Variants in SOBP observed in about 807,000 individuals in gnomAD.
The protein encoded by SOBP is sine oculis-binding protein homolog.
Under a neutral mutation model 53.6 loss-of-function variants are expected in SOBP, and 4 were observed. The ratio of observed to expected loss-of-function variants is 0.07; its 90% CI spans 0.04 to 0.17. The LOEUF (loss-of-function observed/expected upper bound fraction) is 0.17. SOBP is among the 10% of genes least tolerant of loss of function. SOBP has a pLI of 1.00. For missense variants in SOBP, 1,088 were observed against 1,204.7 expected, an observed-to-expected ratio of 0.90 and a Z score of 1.43; for synonymous variants, 584 against 522.6, an observed-to-expected ratio of 1.12 and a Z score of -1.60.
At chr6:107,649,679 A>G (rs140649972) in intron 6 of SOBP, among the ~76,000 whole-genome samples, 3,854 of 151,736 alleles carry the variant, frequency 0.025, 71 homozygotes, top group Middle Eastern at 0.054. Flanking sequence ...AAAAAAAAAA[A>G]AAGAAGAAGA....
At chr6:107,495,950 A>G (rs943890732) in intron 1 of SOBP, among the ~76,000 whole-genome samples, 1 of 152,128 alleles carries the variant, frequency 6.6e-6, no homozygotes, top group Non-Finnish European at 1.5e-5. Flanking sequence ...AGATTATTGA[A>G]TATGTTCCTG....
intron 3 of SOBP, among the ~76,000 whole-genome samples, chr6:107,523,868 C>T (rs752722913): frequency 2.0e-5 from 3 of 152,232 alleles, no homozygotes; most frequent in Non-Finnish European, 2.9e-5. Context: ...TAGGGGCAGC[C>T]ATGGGAAGCT....
At chr6:107,649,345 C>T in intron 6 of SOBP, among the ~76,000 whole-genome samples, 1 of 151,438 alleles carries the variant, frequency 6.6e-6, no homozygotes, top group African/African-American at 2.4e-5. Flanking sequence ...ATTAGCCAGG[C>T]TTGGTGGTAC....
intron 6 of SOBP, among the ~76,000 whole-genome samples, chr6:107,645,318 C>T (rs1771506309): frequency 1.3e-5 from 2 of 152,186 alleles, no homozygotes; most frequent in Admixed American, 1.3e-4. Flanking sequence ...TCCCCTTTTG[C>T]TCATTCATAG....
At chr6:107,626,438 AAGATCGGTTTTCTCTT>A (rs1487198037) in intron 5 of SOBP, among the ~76,000 whole-genome samples, 3 of 152,222 alleles carry the variant, frequency 2.0e-5, no homozygotes, top group Non-Finnish European at 4.4e-5. Context: ...TTACAAATAG[AAGATCGGTTTTCTCTT>A]AAGCTTCAGT....
intron 5 of SOBP, among the ~76,000 whole-genome samples, chr6:107,591,082 C>G (rs944042293): frequency 2.0e-5 from 3 of 152,300 alleles, no homozygotes; most frequent in Admixed American, 2.0e-4. Flanking sequence ...ACTTTATACA[C>G]TGTCATCCTG....
intron 3 of SOBP, among the ~76,000 whole-genome samples, chr6:107,508,059 T>G (rs1783048108): frequency 6.6e-6 from 1 of 152,224 alleles, no homozygotes; most frequent in Admixed American, 6.5e-5. Context: ...TGAACAATGA[T>G]AAATACTGAG....
At chr6:107,573,131 T>C (rs1277100919) in intron 4 of SOBP, among the ~76,000 whole-genome samples, 1 of 152,090 alleles carries the variant, frequency 6.6e-6, no homozygotes, top group Non-Finnish European at 1.5e-5. Context: ...ATAGAAGTGG[T>C]CGTTAAGTAC....
At chr6:107,569,029 A>G (rs1784996401) in intron 4 of SOBP, among the ~76,000 whole-genome samples, 2 of 152,220 alleles carry the variant, frequency 1.3e-5, no homozygotes, top group African/African-American at 2.4e-5. Context: ...GTTTTAAAAG[A>G]GTTATTTTAA....
chr6:107,633,376 CTT>C, intron 5 of SOBP, 136 bp from the exon 6 acceptor site: 1 of 1,093,154 alleles, frequency 9.1e-7, no homozygotes, highest in East Asian at 2.4e-5. Flanking sequence ...AGAATTTTAC[CTT>C]TTAGAAGGAA....
rs533611254 is a variant in SOBP, at chr6:107,620,877, G to C, written c.670-12637G>C. Among the ~76,000 whole-genome samples, 101 of 152,312 alleles carry C rather than the reference G, an allele frequency of 6.6e-4. 3 individuals carry two copies. Among genetic ancestry groups the C allele is most frequent in the Non-Finnish European group, 2.4e-4 (16 of 68,026 alleles). On this transcript the variant is annotated intron_variant, in intron 5 of 6. Coordinates refer to ENST00000317357, the MANE Select transcript of SOBP (RefSeq NM_018013.4). ...ATTTCTCCTCTTACCCGGGAGCCAA[G>C]AGTCCAGTTGTATGAAGGGTCAGAT...
rs1259879299 is a variant in SOBP at position 107,506,523 on chromosome 6, A to G, written c.421+96A>G. On this transcript the variant is annotated intron_variant, in intron 3 of 6. Transcript: ENST00000317357. Reference sequence around the variant, plus strand: ...ATTAAATGCTCAAGTTAACTTTGGTAGAGGCTGTTTTAGGGACCTTATAGG... The same window carrying G: ...ATTAAATGCTCAAGTTAACTTTGGTGGAGGCTGTTTTAGGGACCTTATAGG... 18 of 1,424,154 alleles carry G rather than the reference A, an allele frequency of 1.3e-5. No homozygotes were observed. The Admixed American group carries it at 3.0e-4, about 24-fold the overall frequency. The allele number at this position is 1,424,154 out of a possible 1,614,324, so 88.2% of individuals were successfully genotyped here. A position where few individuals can be genotyped will look rare whatever the true frequency, so the allele number is the denominator to read the frequency against.
At chr6:107,548,368 G>A (rs748200977) in intron 4 of SOBP, among the ~76,000 whole-genome samples, 2 of 150,510 alleles carry the variant, frequency 1.3e-5, no homozygotes, top group African/African-American at 2.4e-5. Context: ...TCAGCCTCCC[G>A]AGCAGCTGGG....
At chr6:107,557,423 T>G (rs904938955) in intron 4 of SOBP, among the ~76,000 whole-genome samples, 4 of 152,228 alleles carry the variant, frequency 2.6e-5, no homozygotes, top group African/African-American at 9.6e-5. Context: ...GTATATCAAA[T>G]TGTTCCGAAA....
chr6:107,656,349 G>GAA (rs1772060835), intron 6 of SOBP, among the ~76,000 whole-genome samples: 1 of 37,954 alleles, frequency 2.6e-5, no homozygotes, highest in African/African-American at 5.6e-5. Context: ...GAAAGAGAAA[G>GAA]AAAGAAAGAA....
chr6:107,523,744 C>G (rs7743906), intron 3 of SOBP, among the ~76,000 whole-genome samples: 2,823 of 152,340 alleles, frequency 0.019, 43 homozygotes, highest in East Asian at 0.054. Context: ...CTTACACCTG[C>G]CTACTACAGT....
intron 5 of SOBP, among the ~76,000 whole-genome samples, chr6:107,619,299 A>G (rs1433143787): frequency 6.6e-6 from 1 of 152,234 alleles, no homozygotes; most frequent in Non-Finnish European, 1.5e-5. Flanking sequence ...CATTTTTCAA[A>G]GTGTTTTCCT....
rs1321554 is a variant in SOBP at position 107,497,382 on chromosome 6, G to A, written c.97-6275G>A. The stretch of plus-strand genomic sequence containing the variant: ...AATCCTTTTTATTGTCATTAGGACT[G>A]TGACTATAGCTGATGTAATTGTCTA... On this transcript the variant is annotated intron_variant, in intron 1 of 6. Coordinates refer to ENST00000317357, the MANE Select transcript of SOBP (RefSeq NM_018013.4). Among the ~76,000 whole-genome samples the A allele has an allele frequency of 6.7e-3, 1,027 of 152,276 alleles. 12 individuals carry two copies. The highest frequency in any genetic ancestry group is 0.017 in the Middle Eastern group (5 of 294).
At chr6:107,586,824 A>T (rs1388918902) in intron 4 of SOBP, among the ~76,000 whole-genome samples, 1 of 152,186 alleles carries the variant, frequency 6.6e-6, no homozygotes, top group Non-Finnish European at 1.5e-5. Context: ...CAACAAAATT[A>T]TTTGATTTTG....
Sources: gnomAD v4.1 joint callset for allele counts (sites outside exome capture counted in the v4.1 genomes callset) on GRCh38, gnomAD v4.1.1 for gene constraint, MANE v1.5 for transcripts, NCBI Gene and HGNC (gene_info 2026-07-23, HGNC 2026-07-21) for gene names.